The following CCDC102B variants were observed in gnomAD, a reference collection of about 807,000 sequenced individuals.
The protein encoded by CCDC102B is coiled-coil domain containing 102B.
In CCDC102B, 75 loss-of-function variants were observed where a neutral mutation model predicts 57.4. The observed-to-expected ratio is 1.31, with a 90% confidence interval of 1.08 to 1.58. CCDC102B has a LOEUF of 1.58. Ranked by LOEUF, CCDC102B falls within the 40% of genes most tolerant of loss-of-function variation. The pLI is 0.00. For missense variants in CCDC102B, 636 were observed against 582.6 expected, an observed-to-expected ratio of 1.09 and a Z score of -0.94; for synonymous variants, 206 against 201.9, an observed-to-expected ratio of 1.02 and a Z score of -0.17.
intron 6 of CCDC102B, among the ~76,000 whole-genome samples, chr18:68,936,505 T>C (rs1427868239): frequency 6.6e-6 from 1 of 152,004 alleles, no homozygotes; most frequent in Non-Finnish European, 1.5e-5. Flanking sequence ...TTTTCTACTT[T>C]TAGAAATATG....
intron 2 of CCDC102B, among the ~76,000 whole-genome samples, chr18:68,750,548 C>T (rs2033804566): frequency 6.6e-6 from 1 of 151,952 alleles, no homozygotes; most frequent in African/African-American, 2.4e-5. Flanking sequence ...TGAAACCAAC[C>T]CAAATTTCCA....
intron 7 of CCDC102B, among the ~76,000 whole-genome samples, chr18:69,023,938 T>G (rs1027948114): frequency 5.9e-5 from 9 of 152,116 alleles, no homozygotes; most frequent in African/African-American, 2.2e-4. Flanking sequence ...AGTGATTTTT[T>G]TTCTGCTTTA....
At chr18:68,862,255 A>G (rs553376911) in intron 4 of CCDC102B, among the ~76,000 whole-genome samples, 58 of 152,196 alleles carry the variant, frequency 3.8e-4, no homozygotes, top group Non-Finnish European at 6.2e-4. Context: ...TAAGAAAAAT[A>G]GATAATTATT....
intron 1 of CCDC102B, among the ~76,000 whole-genome samples, chr18:68,802,801 A>C (rs1019303067): frequency 1.3e-5 from 2 of 152,224 alleles, no homozygotes; most frequent in African/African-American, 4.8e-5. Context: ...CAGAAGTAGA[A>C]ATAGTGCAGA....
intron 2 of CCDC102B, among the ~76,000 whole-genome samples, chr18:68,729,115 A>G (rs2145199141): frequency 6.6e-6 from 1 of 152,316 alleles, no homozygotes; most frequent in Middle Eastern, 3.4e-3. Flanking sequence ...AAAATCATTA[A>G]TGTTAGTAAT....
intron 6 of CCDC102B, among the ~76,000 whole-genome samples, chr18:68,942,779 C>G (rs1413737135): frequency 6.6e-6 from 1 of 151,660 alleles, no homozygotes; most frequent in African/African-American, 2.4e-5. Context: ...TGCAAAGAGG[C>G]CTTCCTCTTT....
intron 6 of CCDC102B, among the ~76,000 whole-genome samples, chr18:68,973,765 A>C (rs953744327): frequency 6.6e-6 from 1 of 152,130 alleles, no homozygotes; most frequent in African/African-American, 2.4e-5. Context: ...TTATGTTTGT[A>C]CAAACAGTGT....
chr18:68,994,465 T>C (rs1015312952), intron 6 of CCDC102B, among the ~76,000 whole-genome samples: 1 of 151,986 alleles, frequency 6.6e-6, no homozygotes, highest in African/African-American at 2.4e-5. Context: ...TCACCTTGAA[T>C]TGTAATCCTC....
At chr18:68,717,742 GACA>G (rs146167858) in intron 2 of CCDC102B, among the ~76,000 whole-genome samples, 2,548 of 152,038 alleles carry the variant, frequency 0.017, 60 homozygotes, top group African/African-American at 0.058. Context: ...CTACTATTTT[GACA>G]ACATTTTTTA....
chr18:68,758,178 T>C (rs898671161), intron 2 of CCDC102B, among the ~76,000 whole-genome samples: 2 of 137,430 alleles, frequency 1.5e-5, no homozygotes, highest in Non-Finnish European at 3.1e-5. Context: ...TGTATATGTA[T>C]GTATTATACA....
chr18:68,771,474 C>T (rs753440763), intron 2 of CCDC102B, among the ~76,000 whole-genome samples: 2 of 152,156 alleles, frequency 1.3e-5, no homozygotes, highest in African/African-American at 2.4e-5. Flanking sequence ...ATACTCACCT[C>T]TTCATCTCAG....
At chr18:68,816,036 C>T (rs567488839) in intron 1 of CCDC102B, among the ~76,000 whole-genome samples, 26 of 152,168 alleles carry the variant, frequency 1.7e-4, no homozygotes, top group African/African-American at 5.3e-4. Flanking sequence ...ATTAATTCCA[C>T]GCCTGATTTC....
chr18:68,956,675 G>C (rs923896233), intron 6 of CCDC102B, among the ~76,000 whole-genome samples: 1 of 139,688 alleles, frequency 7.2e-6, no homozygotes, highest in Non-Finnish European at 1.5e-5. Flanking sequence ...TACGGTAGTT[G>C]TATTTATAGT....
chr18:68,909,481 C>A (rs1297055979), intron 6 of CCDC102B, among the ~76,000 whole-genome samples: 1 of 152,142 alleles, frequency 6.6e-6, no homozygotes, highest in East Asian at 1.9e-4. Flanking sequence ...AGTATTTTCA[C>A]ATTTTCATTC....
intron 7 of CCDC102B, among the ~76,000 whole-genome samples, chr18:69,020,324 A>C (rs542553693): frequency 6.6e-6 from 1 of 152,256 alleles, no homozygotes; most frequent in South Asian, 2.1e-4. Flanking sequence ...TTCATGCTTT[A>C]AGTAATCCAT....
rs1453946494 is a variant in CCDC102B, at chr18:68,767,055, C to T, written c.-67+50461C>T. On this transcript the variant is annotated intron_variant, in intron 2 of 3. Transcript: ENST00000578970. ...TATAAAACTGGAAATGTAATATGCT[C>T]CTTGAAATAATTTTGAAGGTAGTAT... Among the ~76,000 whole-genome samples the T allele has an allele frequency of 2.0e-5, 3 of 152,102 alleles. No homozygotes were observed. The East Asian group carries it at 5.8e-4, about 29-fold the overall frequency.
intron 2 of CCDC102B, among the ~76,000 whole-genome samples, chr18:68,758,262 T>C: frequency 6.6e-6 from 1 of 151,748 alleles, no homozygotes; most frequent in Non-Finnish European, 1.5e-5. Flanking sequence ...TATATATGTA[T>C]ATAGAGGTAT....
intron 2 of CCDC102B, among the ~76,000 whole-genome samples, chr18:68,741,707 AC>A (rs1482908799): frequency 6.1e-5 from 6 of 97,988 alleles, no homozygotes; most frequent in African/African-American, 1.8e-4. Flanking sequence ...ACACACACAC[AC>A]ACACACCCCA....
chr18:69,002,309 A>G (rs952109766), intron 6 of CCDC102B, among the ~76,000 whole-genome samples: 8 of 152,344 alleles, frequency 5.3e-5, no homozygotes, highest in Non-Finnish European at 1.2e-4. Flanking sequence ...GTAGAGGCAG[A>G]AAAAAGAGGG....
Sources: gnomAD v4.1 joint callset for allele counts (sites outside exome capture counted in the v4.1 genomes callset) on GRCh38, gnomAD v4.1.1 for gene constraint, MANE v1.5 for transcripts, NCBI Gene and HGNC (gene_info 2026-07-23, HGNC 2026-07-21) for gene names.